Variants in ASTN2 observed in about 807,000 individuals in gnomAD.
The protein encoded by ASTN2 is astrotactin 2, also known as astrotactin-2.
Under a neutral mutation model 139.8 loss-of-function variants are expected in ASTN2, and 54 were observed. The observed-to-expected ratio is 0.39, with a 90% confidence interval of 0.31 to 0.48. The LOEUF (loss-of-function observed/expected upper bound fraction) is 0.48, where lower values mean the gene tolerates loss of function less well. Among genes scored for constraint, ASTN2 ranks in the 20% least tolerant of loss-of-function variants. The pLI is 0.95. For synonymous variants in ASTN2, 756 were observed against 719.5 expected, an observed-to-expected ratio of 1.05 and a Z score of -0.81; for missense variants, 1,565 against 1,725.1, an observed-to-expected ratio of 0.91 and a Z score of 1.64.
intron 16 of ASTN2, among the ~76,000 whole-genome samples, chr9:116,680,360 T>G (rs1347933913): frequency 1.4e-4 from 22 of 152,062 alleles, no homozygotes; most frequent in Admixed American, 9.2e-4. Context: ...AATAACAGGA[T>G]CTGAAATTGT....
At chr9:116,837,500 C>T (rs963365378) in intron 11 of ASTN2, among the ~76,000 whole-genome samples, 1 of 152,322 alleles carries the variant, frequency 6.6e-6, no homozygotes, top group East Asian at 1.9e-4. Context: ...GCTTCTTCCT[C>T]CATACTGTGA....
At chr9:116,643,041 T>A (rs1327588110) in intron 17 of ASTN2, among the ~76,000 whole-genome samples, 1 of 152,224 alleles carries the variant, frequency 6.6e-6, no homozygotes, top group Admixed American at 6.5e-5. Flanking sequence ...TTATCTTAAG[T>A]AAATTATTCA....
intron 2 of ASTN2, among the ~76,000 whole-genome samples, chr9:117,272,713 G>T (rs924791435): frequency 2.0e-5 from 3 of 152,154 alleles, no homozygotes; most frequent in Admixed American, 2.0e-4. Context: ...AGGGCAAAAT[G>T]CTGCCAGTCT....
chr9:117,248,898 G>A (rs1279666137), intron 2 of ASTN2, among the ~76,000 whole-genome samples: 4 of 152,132 alleles, frequency 2.6e-5, no homozygotes, highest in Non-Finnish European at 4.4e-5. Flanking sequence ...ATGGACTATC[G>A]GGCTGCCTCA....
intron 9 of ASTN2, among the ~76,000 whole-genome samples, chr9:116,975,642 T>C (rs183087882): frequency 6.6e-6 from 1 of 152,316 alleles, no homozygotes; most frequent in Admixed American, 6.5e-5. Context: ...AGTCCTGACA[T>C]ACAGCAGGAG....
At chr9:116,680,825 C>A (rs1859810057) in intron 16 of ASTN2, among the ~76,000 whole-genome samples, 1 of 152,114 alleles carries the variant, frequency 6.6e-6, no homozygotes, top group South Asian at 2.1e-4. Context: ...AATTCAACAA[C>A]CTTCATGCTA....
intron 17 of ASTN2, among the ~76,000 whole-genome samples, chr9:116,641,042 G>C (rs1857302606): frequency 6.6e-6 from 1 of 152,152 alleles, no homozygotes; most frequent in South Asian, 2.1e-4. Context: ...AATGGAAATA[G>C]AAAATACTGT....
chr9:116,425,616 T>A lies in ASTN2; in HGVS notation c.*235A>T. ...TAAAAAGGAGAGACTTTTGATAGAG[T>A]CAAATAATATCTTTGAAAAAATAAA... On this transcript the variant is annotated 3_prime_UTR_variant, in exon 23 of 23. Transcript: ENST00000313400. 1 of 1,612,394 alleles carries A rather than the reference T, an allele frequency of 6.2e-7. No individual in the cohort carries two copies. Among genetic ancestry groups the A allele is most frequent in the Non-Finnish European group, 8.5e-7 (1 of 1,179,626 alleles).
chr9:116,460,067 G>C (rs1237953213), intron 20 of ASTN2, among the ~76,000 whole-genome samples: 1 of 152,076 alleles, frequency 6.6e-6, no homozygotes, highest in Non-Finnish European at 1.5e-5. Flanking sequence ...AATATTACTT[G>C]CCATAAAAAG....
chr9:116,809,210 T>C (rs946333775), intron 12 of ASTN2, among the ~76,000 whole-genome samples: 1 of 152,202 alleles, frequency 6.6e-6, no homozygotes, highest in South Asian at 2.1e-4. Context: ...ATTGTAGTAT[T>C]GTATATGTTT....
At chr9:117,143,010 C>A (rs1830110340) in intron 3 of ASTN2, among the ~76,000 whole-genome samples, 1 of 152,140 alleles carries the variant, frequency 6.6e-6, no homozygotes, top group South Asian at 2.1e-4. Flanking sequence ...AACCCAGTAC[C>A]CATTTCTAAG....
intron 17 of ASTN2, among the ~76,000 whole-genome samples, chr9:116,649,839 G>A (rs1857809754): frequency 6.6e-6 from 1 of 152,122 alleles, no homozygotes; most frequent in African/African-American, 2.4e-5. Flanking sequence ...CCACAGGATA[G>A]GGTCAAAATT....
chr9:117,123,431 G>A (rs1347446670), intron 4 of ASTN2, among the ~76,000 whole-genome samples: 1 of 152,058 alleles, frequency 6.6e-6, no homozygotes, highest in African/African-American at 2.4e-5. Flanking sequence ...AGTGGGTCTT[G>A]CCTCGTGAGC....
intron 1 of ASTN2, among the ~76,000 whole-genome samples, chr9:117,303,916 C>T (rs190029983): frequency 4.6e-5 from 7 of 152,316 alleles, no homozygotes; most frequent in Admixed American, 3.9e-4. Flanking sequence ...GGGCTTGCCC[C>T]CTCTTGATGC....
chr9:117,018,808 G>T (rs1010834909), intron 6 of ASTN2, among the ~76,000 whole-genome samples: 1 of 152,070 alleles, frequency 6.6e-6, no homozygotes, highest in African/African-American at 2.4e-5. Flanking sequence ...CATGGAAAAT[G>T]GGATTTTTTT....
intron 12 of ASTN2, among the ~76,000 whole-genome samples, chr9:116,815,904 A>T (rs1024639081): frequency 6.6e-6 from 1 of 151,800 alleles, no homozygotes; most frequent in Admixed American, 6.6e-5. Flanking sequence ...CGGCAGAAAA[A>T]GGTGTATAAC....
intron 11 of ASTN2, among the ~76,000 whole-genome samples, chr9:116,833,999 T>G (rs1831906430): frequency 6.6e-6 from 1 of 152,178 alleles, no homozygotes. Flanking sequence ...AGCCAGCACC[T>G]CAATCTTAGA....
chr9:117,079,309 T>C (rs1378116048), intron 5 of ASTN2, among the ~76,000 whole-genome samples: 2 of 152,142 alleles, frequency 1.3e-5, no homozygotes, highest in Admixed American at 1.3e-4. Flanking sequence ...TGAGCTGCGA[T>C]GGCACCACTG....
At position 116,729,056 on chromosome 9, in the gene ASTN2, C is replaced by T. The variant is rs145414884; in HGVS notation, c.2562G>A (p.Val854=). 1.9e-5 allele frequency: 31 copies of T among 1,598,880 alleles called. No homozygotes were observed. The highest frequency in any genetic ancestry group is 2.7e-5 in the African/African-American group (2 of 74,764). Residue 854 remains valine, a synonymous_variant, in exon 15 of 23, where the codon GTG becomes GTA. Coordinates refer to ENST00000313400, the MANE Select transcript of ASTN2 (RefSeq NM_001365068.1). The part of the protein sequence containing the change: ...RYDEAMGYPM[V]QQWRVRSNLY... Reference sequence around the variant, plus strand: ...GGTTGCTCCGGACCCGCCACTGCTGCACCATGGGGTAACCCATGGCCTCAT... The same window carrying T: ...GGTTGCTCCGGACCCGCCACTGCTGTACCATGGGGTAACCCATGGCCTCAT...
Sources: gnomAD v4.1 joint callset for allele counts (sites outside exome capture counted in the v4.1 genomes callset) on GRCh38, gnomAD v4.1.1 for gene constraint, MANE v1.5 for transcripts, NCBI Gene and HGNC (gene_info 2026-07-23, HGNC 2026-07-21) for gene names.